Variants in NID2 observed in about 807,000 individuals in gnomAD.
NID2 encodes the protein nidogen 2.
A neutral mutation model predicts 145.4 loss-of-function variants in NID2; 83 were observed. The observed-to-expected ratio is 0.57, with a 90% CI of 0.48 to 0.69. The LOEUF is 0.69. Ranked by LOEUF, NID2 falls within the 30% of genes least tolerant of loss-of-function variation. The pLI, the probability that NID2 is intolerant of heterozygous loss-of-function variation, is 0.00. For missense variants in NID2, 1,807 were observed against 1,765.7 expected, an observed-to-expected ratio of 1.02 and a Z score of -0.42; for synonymous variants, 739 against 701.3, an observed-to-expected ratio of 1.05 and a Z score of -0.85.
At chr14:52,058,534 A>G (rs1892924967) in intron 3 of NID2, among the ~76,000 whole-genome samples, 1 of 152,182 alleles carries the variant, frequency 6.6e-6, no homozygotes, top group South Asian at 2.1e-4. Context: ...GAGGGAAGGC[A>G]TGAAAGGGGG....
rs746046917 is a variant in NID2, at chr14:52,027,287, C to G, written c.2588G>C (p.Gly863Ala). ...EDGSHTCAPA[G>A]QARCVHHGGS... The stretch of plus-strand genomic sequence containing the variant: ...TCCATGGTGAACACACCGGGCCTGC[C>G]CAGCAGGAGCACAGGTATGACTGCC... The change falls in exon 12 of 22, where the codon GGG (glycine) becomes GCG (alanine). Residue 863 changes from glycine to alanine, a missense_variant. Physicochemically the swap from Gly to Ala is moderately conservative, Grantham distance 60 (BLOSUM62 0). Coordinates refer to ENST00000216286, the MANE Select transcript of NID2 (RefSeq NM_007361.4). The G allele has an allele frequency of 6.3e-7, 1 of 1,595,620 alleles. No homozygotes were observed. The highest frequency in any genetic ancestry group is 8.5e-7 in the Non-Finnish European group (1 of 1,172,058).
intron 12 of NID2, among the ~76,000 whole-genome samples, chr14:52,026,504 A>G (rs1282941422): frequency 6.6e-6 from 1 of 152,246 alleles, no homozygotes; most frequent in Non-Finnish European, 1.5e-5. Context: ...CACATACCAC[A>G]GGGTATGTTT....
chr14:52,019,946 G>C (rs1156385127), intron 13 of NID2, 113 bp downstream of exon 13: 1 of 1,422,824 alleles, frequency 7.0e-7, no homozygotes, highest in Non-Finnish European at 9.5e-7. Flanking sequence ...TCCACAGCTT[G>C]GAAAATCCAC....
At chr14:52,051,148 T>C (rs1157354878) in intron 5 of NID2, among the ~76,000 whole-genome samples, 1 of 151,720 alleles carries the variant, frequency 6.6e-6, no homozygotes, top group Admixed American at 6.6e-5. Context: ...AAATCTAAAT[T>C]TCTGAACAAA....
chr14:52,008,190 GC>G, intron 18 of NID2: 1 of 432,604 alleles, frequency 2.3e-6, no homozygotes, highest in South Asian at 3.8e-5. Flanking sequence ...ACTGGTTTCT[GC>G]CTTAGGGGCT....
At chr14:52,064,618 A>G (rs966246835) in intron 2 of NID2, among the ~76,000 whole-genome samples, 1 of 152,196 alleles carries the variant, frequency 6.6e-6, no homozygotes, top group Non-Finnish European at 1.5e-5. Context: ...ATTAAGTTTC[A>G]ACATGATTTT....
At chr14:52,060,430 GAAAC>G in intron 2 of NID2, 74 bp from the exon 3 acceptor site, 1 of 804,606 alleles carries the variant, frequency 1.2e-6, no homozygotes. Context: ...AAAGAAGAAA[GAAAC>G]AGAATGCAAG....
At chr14:52,063,220 A>G (rs1315197935) in intron 2 of NID2, among the ~76,000 whole-genome samples, 1 of 152,216 alleles carries the variant, frequency 6.6e-6, no homozygotes, top group Admixed American at 6.5e-5. Context: ...CAAGAGCCGC[A>G]CAGGCTCTGT....
chr14:52,015,061 G>T lies in NID2; in HGVS notation c.3243C>A (p.Thr1081=). Residue 1081 remains threonine, a synonymous_variant, in exon 15 of 22, where the codon ACC becomes ACA. Coordinates refer to ENST00000216286, the MANE Select transcript of NID2 (RefSeq NM_007361.4). The stretch of plus-strand genomic sequence containing the variant: ...GGGCGGCCAGGTGCTTACACGCAGG[G>T]GTGGTGCCTGGCTGGGAGCGGGTGC... ...VQGTRSQPGT[T]PACIPTVAPP... The T allele has an allele frequency of 6.2e-7, 1 of 1,613,166 alleles. No homozygotes were observed. Among genetic ancestry groups the T allele is most frequent in the Admixed American group, 1.7e-5 (1 of 59,950 alleles).
intron 9 of NID2, among the ~76,000 whole-genome samples, chr14:52,033,361 C>G (rs1480814518): frequency 6.6e-6 from 1 of 152,184 alleles, no homozygotes; most frequent in Non-Finnish European, 1.5e-5. Context: ...GGACAGGAAG[C>G]ATTTTTGGAT....
intron 5 of NID2, among the ~76,000 whole-genome samples, chr14:52,050,974 C>G (rs1892659325): frequency 6.6e-6 from 1 of 152,170 alleles, no homozygotes; most frequent in Non-Finnish European, 1.5e-5. Context: ...ACGGCAGGTG[C>G]TTGGGTAACT....
chr14:52,018,580 C>T (rs1406097230), intron 14 of NID2, among the ~76,000 whole-genome samples: 4 of 152,130 alleles, frequency 2.6e-5, no homozygotes, highest in East Asian at 1.9e-4. Context: ...CTAACTGGCT[C>T]CACTAGCAGG....
chr14:52,034,426 C>A (rs1443786999), intron 9 of NID2, among the ~76,000 whole-genome samples: 1 of 152,200 alleles, frequency 6.6e-6, no homozygotes, highest in Non-Finnish European at 1.5e-5. Context: ...TTTGAGAAAT[C>A]TACTACAGCA....
At chr14:52,029,147 A>T (rs1019880461) in intron 10 of NID2, among the ~76,000 whole-genome samples, 70 of 152,326 alleles carry the variant, frequency 4.6e-4, no homozygotes, top group African/African-American at 1.7e-3. Flanking sequence ...ATTTTTTTTA[A>T]TATCAAGAAA....
intron 5 of NID2, among the ~76,000 whole-genome samples, chr14:52,052,177 A>G (rs1892701690): frequency 6.6e-6 from 1 of 152,234 alleles, no homozygotes; most frequent in African/African-American, 2.4e-5. Context: ...TAAATTCTGG[A>G]GATTCTCAGA....
At chr14:52,023,397 G>A (rs577921230) in intron 12 of NID2, among the ~76,000 whole-genome samples, 26 of 152,008 alleles carry the variant, frequency 1.7e-4, no homozygotes, top group African/African-American at 6.0e-4. Flanking sequence ...TGAGGCTGCA[G>A]TGAGCTGTAA....
chr14:52,043,662 G>A lies in NID2; in HGVS notation c.1430-731C>T, dbSNP rs543184667. ...GGACTAGGATAAATTCAGTGCTCTG[G>A]CAGCTGTTTCTTCCATTTCCTACTT... On this transcript the variant is annotated intron_variant, in intron 5 of 21. Transcript: ENST00000216286. Among the ~76,000 whole-genome samples the A allele has an allele frequency of 3.3e-5, 5 of 152,316 alleles. 1 individual carries two copies. In the South Asian group the frequency reaches 1.0e-3, roughly 32 times the overall value.
chr14:52,056,368 C>G (rs1054770429), intron 3 of NID2, among the ~76,000 whole-genome samples: 2 of 152,052 alleles, frequency 1.3e-5, no homozygotes, highest in Non-Finnish European at 2.9e-5. Flanking sequence ...TTTTAAAATC[C>G]AAGGTCATTT....
At chr14:52,025,216 G>C (rs1891547754) in intron 12 of NID2, among the ~76,000 whole-genome samples, 1 of 152,166 alleles carries the variant, frequency 6.6e-6, no homozygotes, top group South Asian at 2.1e-4. Flanking sequence ...ACCTCACCCT[G>C]AACTCCATAC....
Sources: allele counts gnomAD v4.1 joint callset (sites outside exome capture counted in the v4.1 genomes callset), GRCh38; gene constraint gnomAD v4.1.1; transcripts MANE v1.5; gene names NCBI Gene and HGNC (gene_info 2026-07-23, HGNC 2026-07-21).